FGF14: variants seen among roughly 807,000 people sequenced by gnomAD.
FGF14 encodes the protein fibroblast growth factor homologous factor 4.
FGF14 carries 5 observed loss-of-function variants against 25.5 expected under a neutral mutation model. The observed-to-expected ratio is 0.20, with a 90% CI of 0.10 to 0.41. FGF14 has a LOEUF of 0.41. FGF14 is among the 10% of genes least tolerant of loss of function. The pLI is 1.00. For missense variants in FGF14, 222 were observed against 320.1 expected (o/e 0.69, Z 2.34); for synonymous variants, 138 against 118.3 (o/e 1.17, Z -1.08).
intron 3 of FGF14, among the ~76,000 whole-genome samples, chr13:101,834,169 T>C (rs1050083575): frequency 6.6e-6 from 1 of 152,114 alleles, no homozygotes; most frequent in Non-Finnish European, 1.5e-5. Context: ...CTTTAGGTAG[T>C]ACATCTTTAT....
At chr13:102,023,668 G>A (rs547457632) in intron 1 of FGF14, among the ~76,000 whole-genome samples, 1 of 152,010 alleles carries the variant, frequency 6.6e-6, no homozygotes, top group South Asian at 2.1e-4. Context: ...CCAATACTGG[G>A]CAATTCATAT....
chr13:102,130,833 A>G (rs1317779602), intron 1 of FGF14, among the ~76,000 whole-genome samples: 1 of 152,160 alleles, frequency 6.6e-6, no homozygotes, highest in Non-Finnish European at 1.5e-5. Context: ...GGCCTCCCTC[A>G]GCCCAGGACT....
chr13:101,868,476 G>A, intron 3 of FGF14: 2 of 433,040 alleles, frequency 4.6e-6, no homozygotes, highest in East Asian at 9.6e-5. Context: ...AGATTCACGT[G>A]TATACTAGGT....
intron 3 of FGF14, among the ~76,000 whole-genome samples, chr13:101,840,635 T>G (rs1388303859): frequency 1.3e-5 from 2 of 151,998 alleles, no homozygotes; most frequent in African/African-American, 4.8e-5. Flanking sequence ...CATTGCTACC[T>G]ACATTTAAAT....
rs148736225 is a variant in FGF14, at chr13:102,295,286, T to C, written c.208+106185A>G. Among the ~76,000 whole-genome samples the C allele has an allele frequency of 5.3e-5, 8 of 152,256 alleles. No homozygotes were observed. The East Asian group carries it at 1.5e-3, about 29-fold the overall frequency. On this transcript the variant is annotated intron_variant, in intron 1 of 4. Transcript: ENST00000376131. ...CTCAACCGTATCTACAAATTCACTTTCGTCTCTGTCCCTCTCATCAACATC... is the reference window on the plus strand; with the variant it reads ...CTCAACCGTATCTACAAATTCACTTCCGTCTCTGTCCCTCTCATCAACATC...
chr13:101,976,820 C>T (rs966771023), intron 1 of FGF14, among the ~76,000 whole-genome samples: 1 of 152,216 alleles, frequency 6.6e-6, no homozygotes, highest in Non-Finnish European at 1.5e-5. Context: ...AAGCTGTAAA[C>T]TACCCCAACT....
At chr13:102,185,039 T>C (rs1473129677) in intron 1 of FGF14, among the ~76,000 whole-genome samples, 1 of 152,048 alleles carries the variant, frequency 6.6e-6, no homozygotes, top group Non-Finnish European at 1.5e-5. Context: ...TTTAATAACA[T>C]TAAAAATGTC....
chr13:102,104,315 A>G (rs1366303813), intron 1 of FGF14, among the ~76,000 whole-genome samples: 1 of 152,228 alleles, frequency 6.6e-6, no homozygotes, highest in Admixed American at 6.5e-5. Flanking sequence ...TCTTCAGAAC[A>G]ATGACCCACC....
chr13:102,286,842 G>A (rs1281843723), intron 1 of FGF14, among the ~76,000 whole-genome samples: 1 of 152,086 alleles, frequency 6.6e-6, no homozygotes, highest in Non-Finnish European at 1.5e-5. Context: ...ACTAATCCCT[G>A]GGATTCATTT....
intron 1 of FGF14, among the ~76,000 whole-genome samples, chr13:102,353,558 G>A (rs979619521): frequency 6.6e-6 from 1 of 152,150 alleles, no homozygotes; most frequent in South Asian, 2.1e-4. Flanking sequence ...CAATCACGCT[G>A]TAATTCAAGC....
chr13:102,344,153 A>G (rs1566950137), intron 1 of FGF14, among the ~76,000 whole-genome samples: 1 of 152,222 alleles, frequency 6.6e-6, no homozygotes, highest in African/African-American at 2.4e-5. Flanking sequence ...TGAATAAATT[A>G]TCCTGCGGCT....
chr13:102,132,736 G>A (rs954633846), intron 1 of FGF14, among the ~76,000 whole-genome samples: 5 of 152,042 alleles, frequency 3.3e-5, no homozygotes, highest in Admixed American at 3.3e-4. Context: ...GGCCAGGCTG[G>A]CCTCGAACTC....
intron 1 of FGF14, among the ~76,000 whole-genome samples, chr13:101,925,135 T>C (rs777539336): frequency 6.6e-6 from 1 of 152,238 alleles, no homozygotes; most frequent in African/African-American, 2.4e-5. Flanking sequence ...ATTTTCTGAC[T>C]ATAAAAGTAC....
intron 1 of FGF14, among the ~76,000 whole-genome samples, chr13:101,898,517 C>A (rs2031067603): frequency 6.6e-6 from 1 of 151,880 alleles, no homozygotes; most frequent in African/African-American, 2.4e-5. Flanking sequence ...ATTTTTCTTC[C>A]AAAAAATTCA....
intron 1 of FGF14, among the ~76,000 whole-genome samples, chr13:102,199,620 G>A (rs970866512): frequency 6.6e-6 from 1 of 152,006 alleles, no homozygotes; most frequent in Non-Finnish European, 1.5e-5. Context: ...TTTCCCTTAG[G>A]CATTTTCTGT....
At chr13:102,317,986 C>T (rs1462983875) in intron 1 of FGF14, among the ~76,000 whole-genome samples, 1 of 152,182 alleles carries the variant, frequency 6.6e-6, no homozygotes, top group Non-Finnish European at 1.5e-5. Context: ...AGACATCGGC[C>T]CCAGTCATGC....
intron 1 of FGF14, among the ~76,000 whole-genome samples, chr13:102,240,977 G>A (rs1277318855): frequency 6.6e-6 from 1 of 152,084 alleles, no homozygotes; most frequent in African/African-American, 2.4e-5. Flanking sequence ...ATAGGCAAGG[G>A]TTCTGAAAAG....
intron 1 of FGF14, among the ~76,000 whole-genome samples, chr13:102,289,999 T>G (rs1433118422): frequency 6.6e-6 from 1 of 152,152 alleles, no homozygotes; most frequent in African/African-American, 2.4e-5. Flanking sequence ...AAAGGGTAAT[T>G]CTTACTTTAA....
At chr13:101,861,323 T>C (rs951322250) in intron 3 of FGF14, among the ~76,000 whole-genome samples, 12 of 151,998 alleles carry the variant, frequency 7.9e-5, no homozygotes, top group African/African-American at 1.9e-4. Context: ...CCTAACCAAA[T>C]GCAGCATCTT....
Sources: gnomAD v4.1 joint callset for allele counts (sites outside exome capture counted in the v4.1 genomes callset) on GRCh38, gnomAD v4.1.1 for gene constraint, MANE v1.5 for transcripts, NCBI Gene and HGNC (gene_info 2026-07-23, HGNC 2026-07-21) for gene names.